Variants in PSME4 observed in about 807,000 individuals in gnomAD.
The protein encoded by PSME4 is proteasome activator complex subunit 4.
In PSME4, 89 loss-of-function variants were observed where a neutral mutation model predicts 253.9. The ratio of observed to expected loss-of-function variants is 0.35; its 90% CI spans 0.30 to 0.42. The LOEUF (loss-of-function observed/expected upper bound fraction) is 0.42. Ranked by LOEUF, PSME4 falls within the 10% of genes least tolerant of loss-of-function variation. PSME4 has a pLI of 1.00. For missense variants in PSME4, 2,014 were observed against 2,195.2 expected (o/e 0.92, Z 1.65); for synonymous variants, 851 against 759.2 (o/e 1.12, Z -1.99).
Position 53,895,721 on chromosome 2 carries a change from G to A in PSME4, c.3704C>T (p.Pro1235Leu). The A allele has an allele frequency of 6.2e-7, 1 of 1,601,626 alleles. No individual in the cohort carries two copies. Among genetic ancestry groups the A allele is most frequent in the Non-Finnish European group, 8.5e-7 (1 of 1,176,300 alleles). Reference sequence around the variant, plus strand: ...CCTATCACCAGCAATAATTTGGGTGGGTTTAGGGCATCCACCTAAGGAAAA... The same window carrying A: ...CCTATCACCAGCAATAATTTGGGTGAGTTTAGGGCATCCACCTAAGGAAAA... ...NPCEISGCPK[P>L]TQIIAGDRPD... is the part of the protein sequence containing the mutation. Residue 1235 changes from proline to leucine, a missense_variant, in exon 33 of 47, where the codon CCC (proline) becomes CTC (leucine). Coordinates refer to ENST00000404125, the MANE Select transcript of PSME4 (RefSeq NM_014614.3).
intron 3 of PSME4, among the ~76,000 whole-genome samples, chr2:53,940,940 A>ATACATATTTAAATATATAT (rs1558413493): frequency 1.9e-5 from 1 of 51,314 alleles, no homozygotes; most frequent in South Asian, 5.5e-4. Context: ...TACATATATA[A>ATACATATTTAAATATATAT]ATATATATAT....
chr2:53,939,009 G>C (rs986308640), intron 4 of PSME4, among the ~76,000 whole-genome samples: 2 of 152,164 alleles, frequency 1.3e-5, no homozygotes, highest in Non-Finnish European at 2.9e-5. Context: ...CTATGAGCCA[G>C]TAAGTATTGA....
intron 3 of PSME4, among the ~76,000 whole-genome samples, 194 bp from the exon 4 acceptor site, chr2:53,940,194 T>C (rs1187481428): frequency 6.6e-6 from 1 of 152,156 alleles, no homozygotes; most frequent in Non-Finnish European, 1.5e-5. Context: ...CTCTTTCCTT[T>C]GCCCTCATTT....
chr2:53,915,220 C>T (rs1048862105), intron 20 of PSME4, among the ~76,000 whole-genome samples: 3 of 152,060 alleles, frequency 2.0e-5, no homozygotes, highest in African/African-American at 4.8e-5. Context: ...ACAGGCAGAT[C>T]GCCTGAGCTC....
At chr2:53,868,858 C>T (rs1678732866) in intron 44 of PSME4, among the ~76,000 whole-genome samples, 1 of 151,870 alleles carries the variant, frequency 6.6e-6, no homozygotes, top group African/African-American at 2.4e-5. Flanking sequence ...TCTTTTTAAA[C>T]ATGACATAGT....
chr2:53,913,877 G>A (rs1667942836), intron 20 of PSME4, among the ~76,000 whole-genome samples: 1 of 152,244 alleles, frequency 6.6e-6, no homozygotes, highest in Non-Finnish European at 1.5e-5. Context: ...TCACCGTGGA[G>A]TAGTAACTGT....
chr2:53,870,055 C>T (rs973207575), intron 43 of PSME4: 26 of 152,180 alleles, frequency 1.7e-4, no homozygotes, highest in African/African-American at 6.0e-4. Flanking sequence ...CTAAATGAAG[C>T]GTGTACACAG....
intron 3 of PSME4, among the ~76,000 whole-genome samples, chr2:53,940,953 A>ATATTTG (rs1491585283): frequency 7.7e-5 from 1 of 12,928 alleles, no homozygotes; most frequent in Non-Finnish European, 1.2e-4. Flanking sequence ...ATATATATAC[A>ATATTTG]TATATATATA....
At chr2:53,937,086 T>C (rs955935071) in intron 5 of PSME4, among the ~76,000 whole-genome samples, 1 of 152,182 alleles carries the variant, frequency 6.6e-6, no homozygotes, top group Non-Finnish European at 1.5e-5. Context: ...TATTTAACAA[T>C]TGTTTTCAAT....
At chr2:53,922,491 T>G (rs770269781) in intron 17 of PSME4, 26 bp downstream of exon 17, 3 of 1,606,618 alleles carry the variant, frequency 1.9e-6, no homozygotes, top group Non-Finnish European at 2.6e-6. Context: ...CACAGTCATG[T>G]TTCTTATTCC....
At chr2:53,906,478 T>C in intron 26 of PSME4, 120 bp downstream of exon 26, 1 of 1,349,970 alleles carries the variant, frequency 7.4e-7, no homozygotes, top group Non-Finnish European at 9.6e-7. Context: ...TTCCAATAAT[T>C]GAGAGAATAA....
At chr2:53,894,972 G>T (rs949998201) in intron 34 of PSME4, 35 bp downstream of exon 34, 9 of 1,554,172 alleles carry the variant, frequency 5.8e-6, no homozygotes, top group Non-Finnish European at 7.9e-6. Context: ...CCCAAAACAA[G>T]ATGCATTTGA....
chr2:53,949,978 A>G (rs1290602092), intron 1 of PSME4, among the ~76,000 whole-genome samples: 2 of 152,160 alleles, frequency 1.3e-5, no homozygotes, highest in Non-Finnish European at 2.9e-5. Flanking sequence ...CTGTACTTCA[A>G]TTGAGACATA....
At chr2:53,917,844 C>CA (rs967652943) in intron 20 of PSME4, among the ~76,000 whole-genome samples, 41 of 152,170 alleles carry the variant, frequency 2.7e-4, no homozygotes, top group African/African-American at 9.4e-4. Flanking sequence ...TCTTTTTTAA[C>CA]AAAAATGAAT....
At chr2:53,925,070 A>C (rs1250238220) in intron 14 of PSME4, among the ~76,000 whole-genome samples, 1 of 152,222 alleles carries the variant, frequency 6.6e-6, no homozygotes, top group Non-Finnish European at 1.5e-5. Context: ...GGCACAGCAC[A>C]ACTCTCTTAT....
At chr2:53,907,254 T>C (rs1417309657) in intron 24 of PSME4, among the ~76,000 whole-genome samples, 1 of 152,184 alleles carries the variant, frequency 6.6e-6, no homozygotes, top group East Asian at 1.9e-4. Flanking sequence ...GGTAATCAAA[T>C]ATGTTTACTA....
Position 53,866,359 on chromosome 2 carries a change from C to G in PSME4, c.5398-136G>C. ...ACCAAGTTCTACAAAACCAAAAAGC[C>G]AATGAGAAGGACAAAGTGAATGGTC... On this transcript the variant is annotated intron_variant, in intron 45 of 46. Coordinates refer to ENST00000404125, the MANE Select transcript of PSME4 (RefSeq NM_014614.3). The G allele has an allele frequency of 3.3e-6, 3 of 921,210 alleles. No individual in the cohort carries two copies. The South Asian group carries it at 5.8e-5, about 18-fold the overall frequency. 57.1% of individuals were successfully genotyped at this position (921,210 alleles called of 1,614,324 possible).
chr2:53,952,302 G>C (rs1327010567), intron 1 of PSME4, among the ~76,000 whole-genome samples: 1 of 152,138 alleles, frequency 6.6e-6, no homozygotes, highest in Non-Finnish European at 1.5e-5. Flanking sequence ...CAGCACTTTG[G>C]GAGGCCGAGG....
At chr2:53,905,936 A>G (rs1340891861) in intron 26 of PSME4, among the ~76,000 whole-genome samples, 1 of 152,262 alleles carries the variant, frequency 6.6e-6, no homozygotes, top group African/African-American at 2.4e-5. Flanking sequence ...CCCAAATCCA[A>G]AAATCTGAAA....
Sources: gnomAD v4.1 joint callset for allele counts (sites outside exome capture counted in the v4.1 genomes callset) on GRCh38, gnomAD v4.1.1 for gene constraint, MANE v1.5 for transcripts, NCBI Gene and HGNC (gene_info 2026-07-23, HGNC 2026-07-21) for gene names.